Variants in CDH2 observed in about 807,000 individuals in gnomAD.
The protein encoded by CDH2 is cadherin-2.
A neutral mutation model predicts 92.0 loss-of-function variants in CDH2; 17 were observed. The ratio of observed to expected loss-of-function variants is 0.18; its 90% confidence interval spans 0.13 to 0.28. The LOEUF (loss-of-function observed/expected upper bound fraction) is 0.28, where lower values mean the gene tolerates loss of function less well. Among genes scored for constraint, CDH2 ranks in the 10% least tolerant of loss-of-function variants. The pLI, the probability that CDH2 is intolerant of heterozygous loss-of-function variation, is 1.00. For synonymous variants in CDH2, 419 were observed against 415.9 expected (o/e 1.01, Z -0.09); for missense variants, 862 against 1,133.1 (o/e 0.76, Z 3.44).
intron 2 of CDH2, among the ~76,000 whole-genome samples, chr18:28,115,328 A>C (rs574667005): frequency 6.6e-6 from 1 of 152,254 alleles, no homozygotes; most frequent in Non-Finnish European, 1.5e-5. Context: ...ATACTGTTTT[A>C]GTTACTCCCC....
chr18:27,987,141 A>AATAT (rs909340540), intron 11 of CDH2, among the ~76,000 whole-genome samples: 1 of 152,172 alleles, frequency 6.6e-6, no homozygotes, highest in Admixed American at 6.5e-5. Context: ...ACTCACAACC[A>AATAT]ATATACATAC....
intron 14 of CDH2, among the ~76,000 whole-genome samples, chr18:27,980,354 T>C (rs1189445550): frequency 6.6e-6 from 1 of 152,116 alleles, no homozygotes; most frequent in Non-Finnish European, 1.5e-5. Flanking sequence ...GATTGGGATG[T>C]TAAAGCACAG....
chr18:28,137,452 C>A (rs968375029), intron 2 of CDH2, among the ~76,000 whole-genome samples: 7 of 152,096 alleles, frequency 4.6e-5, no homozygotes, highest in Non-Finnish European at 4.4e-5. Flanking sequence ...TGGTGACTTT[C>A]TCCTTATAAG....
chr18:28,019,555 C>T (rs1231882365), intron 2 of CDH2, among the ~76,000 whole-genome samples: 1 of 151,844 alleles, frequency 6.6e-6, no homozygotes, highest in Non-Finnish European at 1.5e-5. Flanking sequence ...AACGCATTTG[C>T]AAAAAGTCAC....
At chr18:28,111,591 G>A (rs2015414468) in intron 2 of CDH2, among the ~76,000 whole-genome samples, 1 of 152,150 alleles carries the variant, frequency 6.6e-6, no homozygotes, top group African/African-American at 2.4e-5. Context: ...TCAAAACACT[G>A]AGTTCCCAGA....
intron 14 of CDH2, among the ~76,000 whole-genome samples, chr18:27,964,153 C>T (rs1362409819): frequency 6.6e-6 from 1 of 152,180 alleles, no homozygotes; most frequent in African/African-American, 2.4e-5. Context: ...CTATCTGGCC[C>T]TACTGAGGAA....
At chr18:28,141,144 T>G (rs76914418) in intron 2 of CDH2, among the ~76,000 whole-genome samples, 189 of 151,592 alleles carry the variant, frequency 1.2e-3, no homozygotes, top group Non-Finnish European at 2.3e-3. Flanking sequence ...AAAGAAAAAA[T>G]TAATATACAA....
chr18:28,037,161 G>A (rs1163369376), intron 2 of CDH2, among the ~76,000 whole-genome samples: 1 of 152,146 alleles, frequency 6.6e-6, no homozygotes, highest in South Asian at 2.1e-4. Context: ...CAAAAAAAGT[G>A]TTATCTGGGA....
At chr18:28,005,544 G>T (rs923806758) in intron 6 of CDH2, among the ~76,000 whole-genome samples, 1 of 152,156 alleles carries the variant, frequency 6.6e-6, no homozygotes, top group African/African-American at 2.4e-5. Context: ...AGATGCATTG[G>T]CTGTATCAAC....
chr18:28,055,344 G>A (rs1239263392), intron 2 of CDH2, among the ~76,000 whole-genome samples: 2 of 152,116 alleles, frequency 1.3e-5, no homozygotes, highest in South Asian at 2.1e-4. Context: ...AGATTTGGGT[G>A]GGGACACAGC....
intron 2 of CDH2, among the ~76,000 whole-genome samples, chr18:28,045,757 C>T (rs183142177): frequency 1.6e-4 from 25 of 152,316 alleles, no homozygotes; most frequent in Non-Finnish European, 2.6e-4. Context: ...TACATATTTT[C>T]CCAAACCGAA....
At chr18:27,962,834 T>G (rs2011443297) in intron 15 of CDH2, among the ~76,000 whole-genome samples, 1 of 152,206 alleles carries the variant, frequency 6.6e-6, no homozygotes, top group Non-Finnish European at 1.5e-5. Context: ...ACAGAAGCTC[T>G]TAAAACTCCT....
intron 2 of CDH2, among the ~76,000 whole-genome samples, chr18:28,095,797 G>A (rs1349504937): frequency 2.3e-5 from 2 of 87,352 alleles, no homozygotes; most frequent in Admixed American, 3.2e-4. Flanking sequence ...GCAATAGGAT[G>A]CAACTCCATC....
chr18:27,962,586 A>G lies in CDH2; in HGVS notation c.2514+771T>C, dbSNP rs535699279. 3.0e-4 allele frequency among the ~76,000 whole-genome samples: 45 copies of G among 152,334 alleles called. 1 individual carries two copies. Among genetic ancestry groups the G allele is most frequent in the African/African-American group, 9.1e-4 (38 of 41,586 alleles). ...GAGACACCAATGATATGACCAGAAA[A>G]CAGGAGTTCTGCCATATATTCACAG... On this transcript the variant is annotated intron_variant, in intron 15 of 15. Transcript: ENST00000269141.
chr18:28,020,413 C>T (rs529151851), intron 2 of CDH2, among the ~76,000 whole-genome samples: 5 of 151,886 alleles, frequency 3.3e-5, no homozygotes, highest in African/African-American at 7.2e-5. Context: ...ATACATGGGA[C>T]GTGCTTTATT....
At chr18:28,073,532 C>A (rs551908853) in intron 2 of CDH2, among the ~76,000 whole-genome samples, 1 of 152,256 alleles carries the variant, frequency 6.6e-6, no homozygotes, top group South Asian at 2.1e-4. Flanking sequence ...TACATTTTTA[C>A]ATCTCTTAAG....
intron 2 of CDH2, among the ~76,000 whole-genome samples, chr18:28,083,974 G>C (rs955941823): frequency 2.4e-4 from 36 of 152,098 alleles, no homozygotes; most frequent in African/African-American, 8.0e-4. Flanking sequence ...CAATTTTGCC[G>C]CATTTAGAGA....
At chr18:28,176,485 G>A (rs2016544119) in intron 1 of CDH2, among the ~76,000 whole-genome samples, 1 of 152,176 alleles carries the variant, frequency 6.6e-6, no homozygotes. Context: ...GTGCAGGGTG[G>A]GGTAAGGTGG....
chr18:28,163,819 T>C (rs1229503526), intron 1 of CDH2, among the ~76,000 whole-genome samples: 1 of 152,224 alleles, frequency 6.6e-6, no homozygotes, highest in Non-Finnish European at 1.5e-5. Context: ...TATATGCATA[T>C]ATAAAAATGT....
Sources: allele counts gnomAD v4.1 joint callset (sites outside exome capture counted in the v4.1 genomes callset), GRCh38; gene constraint gnomAD v4.1.1; transcripts MANE v1.5; gene names NCBI Gene and HGNC (gene_info 2026-07-23, HGNC 2026-07-21).